Variants in UBE2V1 observed in about 807,000 individuals in gnomAD.
UBE2V1 encodes the protein ubiquitin-conjugating enzyme E2 variant 1.
In UBE2V1, 15 loss-of-function variants were observed where a neutral mutation model predicts 19.6. The ratio of observed to expected loss-of-function variants is 0.77; its 90% CI spans 0.51 to 1.18. UBE2V1 has a LOEUF of 1.18. UBE2V1 is among the 50% of genes most tolerant of loss of function. The pLI, the probability that UBE2V1 is intolerant of heterozygous loss-of-function variation, is 0.00. For synonymous variants in UBE2V1, 60 were observed against 60.7 expected, an observed-to-expected ratio of 0.99 and a Z score of 0.05; for missense variants, 125 against 184.8, an observed-to-expected ratio of 0.68 and a Z score of 1.88.
intron 1 of UBE2V1, 45 bp from the exon 2 acceptor site, chr20:50,096,865 G>T (rs772286526): frequency 6.2e-7 from 1 of 1,611,352 alleles, no homozygotes; most frequent in Admixed American, 1.7e-5. Flanking sequence ...AACTCCAGGG[G>T]AACTTGTAAG....
At chr20:50,110,391 T>A (rs1356617052) in intron 1 of UBE2V1, among the ~76,000 whole-genome samples, 1 of 152,202 alleles carries the variant, frequency 6.6e-6, no homozygotes, top group Non-Finnish European at 1.5e-5. Context: ...CATAAAAAAC[T>A]AAGTTCAGCC....
chr20:50,094,986 C>T (rs906116224), intron 2 of UBE2V1: 2 of 152,036 alleles, frequency 1.3e-5, no homozygotes, highest in Admixed American at 6.6e-5. Flanking sequence ...TCAGGGTAGC[C>T]CAAGCTGTTT....
chr20:50,113,171 C>A (rs780418563), upstream of UBE2V1: 158 of 1,267,666 alleles, frequency 1.2e-4, no homozygotes, highest in Admixed American at 1.5e-4. Flanking sequence ...TCTTCACCCC[C>A]CCCTTACCCG....
intron 1 of UBE2V1, among the ~76,000 whole-genome samples, chr20:50,102,622 C>A (rs574083660): frequency 1.3e-5 from 2 of 152,150 alleles, no homozygotes; most frequent in Non-Finnish European, 2.9e-5. Flanking sequence ...GAACTCCCGA[C>A]CTCAGGTGAT....
chr20:50,095,254 G>C (rs1398704771), intron 2 of UBE2V1: 1 of 152,186 alleles, frequency 6.6e-6, no homozygotes, highest in Non-Finnish European at 1.5e-5. Context: ...TTCTTAGGAA[G>C]AGAAGACATG....
At chr20:50,113,600 A>G (rs2080913911), upstream of UBE2V1, among the ~76,000 whole-genome samples, 1 of 152,200 alleles carries the variant, frequency 6.6e-6, no homozygotes, top group Middle Eastern at 3.2e-3. Context: ...AGAGACAGGC[A>G]GAATTTTAAC....
At chr20:50,102,687 C>T (rs1017113148) in intron 1 of UBE2V1, among the ~76,000 whole-genome samples, 4 of 152,130 alleles carry the variant, frequency 2.6e-5, no homozygotes, top group Admixed American at 6.5e-5. Flanking sequence ...CCACCGTGCT[C>T]GGCCGACGAT....
chr20:50,096,583 C>T, intron 2 of UBE2V1, 89 bp downstream of exon 2: 3 of 1,605,676 alleles, frequency 1.9e-6, no homozygotes, highest in Non-Finnish European at 2.5e-6. Flanking sequence ...CATTGGTGAG[C>T]TTTTTTTCCG....
chr20:50,103,416 T>C (rs1317639622), intron 1 of UBE2V1, among the ~76,000 whole-genome samples: 4 of 152,178 alleles, frequency 2.6e-5, no homozygotes, highest in African/African-American at 7.2e-5. Flanking sequence ...AGAACAGTTA[T>C]ATATTAAGAG....
At chr20:50,097,953 G>A (rs2079737206) in intron 1 of UBE2V1, among the ~76,000 whole-genome samples, 1 of 152,182 alleles carries the variant, frequency 6.6e-6, no homozygotes, top group Non-Finnish European at 1.5e-5. Flanking sequence ...ACTTTTCTAA[G>A]CACTGAAGAA....
intron 2 of UBE2V1, 180 bp downstream of exon 2, chr20:50,096,492 G>A (rs1014245255): frequency 5.4e-6 from 8 of 1,494,044 alleles, no homozygotes; most frequent in Non-Finnish European, 7.2e-6. Context: ...CCATTTAGAG[G>A]GGTTAAACAG....
intron 2 of UBE2V1, among the ~76,000 whole-genome samples, chr20:50,091,193 T>C (rs2301019): frequency 0.33 from 50,641 of 151,622 alleles, 9,322 homozygotes; most frequent in African/African-American, 0.51. Context: ...ACTACAGGCG[T>C]GCATCACTAC....
At chr20:50,086,546 T>C (rs991829990) in intron 2 of UBE2V1, among the ~76,000 whole-genome samples, 10 of 152,226 alleles carry the variant, frequency 6.6e-5, no homozygotes, top group Admixed American at 3.3e-4. Flanking sequence ...AACAGATCCA[T>C]CCTCAGAACC....
chr20:50,086,893 C>T (rs537118367), intron 2 of UBE2V1, among the ~76,000 whole-genome samples: 5 of 152,258 alleles, frequency 3.3e-5, no homozygotes, highest in African/African-American at 9.6e-5. Flanking sequence ...CTGGCTAACA[C>T]GGTGAAACCC....
At position 50,111,352 on chromosome 20, in the gene UBE2V1, C is replaced by T. The variant is rs1336082379; in HGVS notation, c.22+1755G>A. ...AGCTGTTAACCCAGATTGTAGGTAG[C>T]CAACCGAGTGACTGCAAGCAGGGCT... is the stretch of plus-strand genomic sequence containing the variant. On this transcript the variant is annotated intron_variant, in intron 1 of 3. Coordinates refer to ENST00000371674, the MANE Select transcript of UBE2V1 (RefSeq NM_001032288.3). The T allele has an allele frequency of 8.0e-6, 8 of 998,170 alleles. No homozygotes were observed. The African/African-American group carries it at 1.2e-4, about 15-fold the overall frequency. The allele number at this position is 998,170 out of a possible 1,614,324, so 61.8% of individuals were successfully genotyped here. A position where few individuals can be genotyped will look rare whatever the true frequency, so the allele number is the denominator to read the frequency against.
chr20:50,112,686 G>C (rs1414430577), intron 1 of UBE2V1, among the ~76,000 whole-genome samples: 1 of 152,192 alleles, frequency 6.6e-6, no homozygotes, highest in Non-Finnish European at 1.5e-5. Context: ...GACATCCCAA[G>C]GCCCCTCTCA....
upstream of UBE2V1, chr20:50,115,732 C>A: frequency 1.2e-6 from 1 of 842,218 alleles, no homozygotes; most frequent in Non-Finnish European, 1.6e-6. Flanking sequence ...ATCCTCACAA[C>A]TCGATGCAGC....
intron 1 of UBE2V1, 146 bp downstream of exon 1, chr20:50,112,961 T>A: frequency 2.6e-6 from 1 of 383,002 alleles, no homozygotes; most frequent in Non-Finnish European, 4.6e-6. Context: ...CCTCCCCCGG[T>A]CAGGCCGCGC....
chr20:50,098,690 G>A (rs977406551), intron 1 of UBE2V1, among the ~76,000 whole-genome samples: 2 of 152,078 alleles, frequency 1.3e-5, no homozygotes, highest in South Asian at 2.1e-4. Context: ...TGAACACTTC[G>A]TTTTACAGTC....
Sources: allele counts gnomAD v4.1 joint callset (sites outside exome capture counted in the v4.1 genomes callset), GRCh38; gene constraint gnomAD v4.1.1; transcripts MANE v1.5; gene names NCBI Gene and HGNC (gene_info 2026-07-23, HGNC 2026-07-21).